CRB1: variants seen among roughly 807,000 people sequenced by gnomAD.
The protein encoded by CRB1 is protein crumbs homolog 1.
In CRB1, 83 loss-of-function variants were observed where a neutral mutation model predicts 120.0. The ratio of observed to expected loss-of-function variants is 0.69; its 90% CI spans 0.58 to 0.83. The LOEUF (loss-of-function observed/expected upper bound fraction) is 0.83. Ranked by LOEUF, CRB1 falls within the 40% of genes least tolerant of loss-of-function variation. The probability of loss-of-function intolerance (pLI) is 0.00; values close to 1 mark genes in which losing one functional copy is unlikely to be tolerated. For synonymous variants in CRB1, 625 were observed against 612.5 expected, an observed-to-expected ratio of 1.02 and a Z score of -0.30; for missense variants, 1,699 against 1,687.6, an observed-to-expected ratio of 1.01 and a Z score of -0.12.
intron 1 of CRB1, among the ~76,000 whole-genome samples, chr1:197,327,145 C>A (rs1291354707): frequency 7.3e-6 from 1 of 136,504 alleles, no homozygotes; most frequent in Non-Finnish European, 1.6e-5. Context: ...GAAACCAAGG[C>A]TGGGAGAGGC....
At chr1:197,277,114 A>G (rs1397184924) in intron 1 of CRB1, among the ~76,000 whole-genome samples, 1 of 151,978 alleles carries the variant, frequency 6.6e-6, no homozygotes, top group East Asian at 1.9e-4. Context: ...TTTTTTAAAA[A>G]AAGTTAGTCC....
chr1:197,445,636 A>G (rs1023506870), intron 11 of CRB1, among the ~76,000 whole-genome samples: 7 of 152,200 alleles, frequency 4.6e-5, no homozygotes, highest in African/African-American at 1.7e-4. Context: ...TAATTTTGCA[A>G]TATTAAAATT....
chr1:197,451,261 A>G (rs903670443), intron 11 of CRB1, among the ~76,000 whole-genome samples: 2 of 152,214 alleles, frequency 1.3e-5, no homozygotes, highest in Non-Finnish European at 2.9e-5. Flanking sequence ...TTTTCTATGT[A>G]TAACATTTCT....
intron 11 of CRB1, among the ~76,000 whole-genome samples, chr1:197,469,410 A>G (rs1169217982): frequency 1.3e-5 from 2 of 152,092 alleles, no homozygotes; most frequent in African/African-American, 4.8e-5. Flanking sequence ...GGGAGAGGAT[A>G]ATTGGGCCAG....
At chr1:197,377,195 C>A (rs550501145) in intron 5 of CRB1, among the ~76,000 whole-genome samples, 1 of 152,202 alleles carries the variant, frequency 6.6e-6, no homozygotes, top group Non-Finnish European at 1.5e-5. Flanking sequence ...TGTGATCTTA[C>A]GCACACACAC....
At chr1:197,304,733 A>G (rs1657065594) in intron 1 of CRB1, among the ~76,000 whole-genome samples, 1 of 152,362 alleles carries the variant, frequency 6.6e-6, no homozygotes, top group Admixed American at 6.5e-5. Flanking sequence ...CACAGTTATG[A>G]TGACATGAGG....
chr1:197,336,146 G>A (rs550950055), intron 2 of CRB1, among the ~76,000 whole-genome samples: 1 of 152,136 alleles, frequency 6.6e-6, no homozygotes, highest in Non-Finnish European at 1.5e-5. Context: ...GATAATTCCT[G>A]TTCCTCTTGG....
intron 11 of CRB1, among the ~76,000 whole-genome samples, chr1:197,466,943 C>T (rs956493667): frequency 1.3e-5 from 2 of 152,164 alleles, no homozygotes; most frequent in African/African-American, 2.4e-5. Flanking sequence ...CACAGGCAGG[C>T]AGGGTCAGGG....
chr1:197,462,073 T>C (rs1666556497), intron 11 of CRB1, among the ~76,000 whole-genome samples: 1 of 152,300 alleles, frequency 6.6e-6, no homozygotes, highest in East Asian at 1.9e-4. Flanking sequence ...AAGTATGTTC[T>C]TATAAATTAA....
intron 5 of CRB1, among the ~76,000 whole-genome samples, chr1:197,399,137 T>C (rs966203762): frequency 1.3e-5 from 2 of 152,138 alleles, no homozygotes; most frequent in Non-Finnish European, 2.9e-5. Context: ...GAAATCTTCC[T>C]TGATTAGCCC....
intron 5 of CRB1, among the ~76,000 whole-genome samples, chr1:197,419,740 C>T (rs78108344): frequency 0.19 from 28,312 of 147,792 alleles, 2,934 homozygotes; most frequent in Middle Eastern, 0.36. Flanking sequence ...TTTGGGAGGC[C>T]GAGGCGGGTG....
chr1:197,408,957 A>C (rs1558115820), intron 5 of CRB1, among the ~76,000 whole-genome samples: 1 of 152,222 alleles, frequency 6.6e-6, no homozygotes, highest in Non-Finnish European at 1.5e-5. Flanking sequence ...GTGCAAAATC[A>C]AGTGAAATGT....
chr1:197,291,827 A>T (rs560632331), intron 1 of CRB1, among the ~76,000 whole-genome samples: 8 of 151,960 alleles, frequency 5.3e-5, no homozygotes, highest in African/African-American at 1.9e-4. Flanking sequence ...TTGCTTTCCC[A>T]TCTATATTCT....
chr1:197,331,913 G>A (rs142239718), intron 2 of CRB1, among the ~76,000 whole-genome samples: 8 of 152,086 alleles, frequency 5.3e-5, no homozygotes, highest in Non-Finnish European at 8.8e-5. Context: ...GGTGGCTCAC[G>A]CCTGTAATCC....
At chr1:197,414,334 C>T (rs1663861963) in intron 5 of CRB1, among the ~76,000 whole-genome samples, 1 of 151,842 alleles carries the variant, frequency 6.6e-6, no homozygotes, top group African/African-American at 2.4e-5. Context: ...TTTCATTAAC[C>T]ATGGCTTCAG....
At chr1:197,406,084 G>A (rs1337127845) in intron 5 of CRB1, among the ~76,000 whole-genome samples, 1 of 152,210 alleles carries the variant, frequency 6.6e-6, no homozygotes, top group Non-Finnish European at 1.5e-5. Context: ...GTACCCAACA[G>A]CTCATTGAGA....
the CRB1 span, among the ~76,000 whole-genome samples, chr1:197,261,354 T>C: frequency 6.6e-6 from 1 of 152,246 alleles, no homozygotes; most frequent in Non-Finnish European, 1.5e-5. Context: ...ATTGGAAACA[T>C]TGATTCCCAG....
chr1:197,296,742 A>G (rs939546876), intron 1 of CRB1, among the ~76,000 whole-genome samples: 2 of 152,038 alleles, frequency 1.3e-5, no homozygotes, highest in African/African-American at 4.8e-5. Context: ...TAATTGAATC[A>G]TAGAGGCAGT....
At chr1:197,442,542 C>A in intron 11 of CRB1, 1 of 1,438,970 alleles carries the variant, frequency 6.9e-7, no homozygotes, top group South Asian at 1.5e-5. Context: ...AAGGTAAATT[C>A]AAGGCTTATT....
Sources: gnomAD v4.1 joint callset for allele counts (sites outside exome capture counted in the v4.1 genomes callset) on GRCh38, gnomAD v4.1.1 for gene constraint, MANE v1.5 for transcripts, NCBI Gene and HGNC (gene_info 2026-07-23, HGNC 2026-07-21) for gene names.